Variants in SPOCK3 observed in about 807,000 individuals in gnomAD.
The protein encoded by SPOCK3 is testican-3.
A neutral mutation model predicts 56.6 loss-of-function variants in SPOCK3; 30 were observed. That is an observed-to-expected ratio of 0.53 (90% CI 0.40 to 0.72). The LOEUF (loss-of-function observed/expected upper bound fraction) is 0.72, where lower values mean the gene tolerates loss of function less well. SPOCK3 is among the 30% of genes least tolerant of loss of function. The pLI, the probability that SPOCK3 is intolerant of heterozygous loss-of-function variation, is 0.00. For missense variants in SPOCK3, 527 were observed against 530.0 expected (o/e 0.99, Z 0.06); for synonymous variants, 196 against 183.3 (o/e 1.07, Z -0.56).
intron 2 of SPOCK3, among the ~76,000 whole-genome samples, chr4:167,118,480 T>C (rs999052517): frequency 7.9e-5 from 12 of 152,174 alleles, no homozygotes; most frequent in Admixed American, 7.9e-4. Flanking sequence ...GCAGTGACGT[T>C]ATAGAGTCAG....
In SPOCK3 at chr4:166,733,982, A is replaced by G. The variant is rs1733980439; in HGVS notation, c.*939T>C. The G allele has an allele frequency of 6.6e-6, 1 of 152,222 alleles. No individual in the cohort carries two copies. The highest frequency in any genetic ancestry group is 6.6e-5 in the Admixed American group (1 of 15,200). The allele number at this position is 152,222 out of a possible 1,614,324, so 9.4% of individuals were successfully genotyped here. On this transcript the variant is annotated 3_prime_UTR_variant, in exon 11 of 11. Transcript: ENST00000357545. ...AAGTTCTCTAAGTTTCCACACTACT[A>G]ACAAAAATAACATAATTCTAAGATT...
intron 2 of SPOCK3, among the ~76,000 whole-genome samples, chr4:167,221,253 A>G (rs1257433375): frequency 6.6e-6 from 1 of 152,010 alleles, no homozygotes; most frequent in Admixed American, 6.6e-5. Flanking sequence ...CTGTAGTCCC[A>G]GCTACTTGAG....
intron 3 of SPOCK3, among the ~76,000 whole-genome samples, chr4:167,055,316 G>C (rs1006745514): frequency 5.9e-5 from 9 of 152,152 alleles, no homozygotes; most frequent in Non-Finnish European, 1.3e-4. Flanking sequence ...ATACTAGAGA[G>C]GGGAGCCAAG....
chr4:166,981,748 A>C (rs1446561638), intron 4 of SPOCK3, among the ~76,000 whole-genome samples: 1 of 152,122 alleles, frequency 6.6e-6, no homozygotes, highest in Non-Finnish European at 1.5e-5. Context: ...CCTGCCATCC[A>C]TCAATCTTGT....
At chr4:166,740,511 A>C (rs892918283) in intron 9 of SPOCK3, among the ~76,000 whole-genome samples, 1 of 73,470 alleles carries the variant, frequency 1.4e-5, no homozygotes, top group Admixed American at 1.3e-4. Flanking sequence ...TATTATTATT[A>C]TTATTATTAT....
chr4:167,129,379 C>A (rs981663416), intron 2 of SPOCK3, among the ~76,000 whole-genome samples: 1 of 152,144 alleles, frequency 6.6e-6, no homozygotes, highest in Non-Finnish European at 1.5e-5. Flanking sequence ...ATATTACTGG[C>A]AACACACTCT....
intron 4 of SPOCK3, among the ~76,000 whole-genome samples, chr4:166,919,206 C>T (rs116923403): frequency 3.3e-5 from 5 of 152,194 alleles, no homozygotes; most frequent in African/African-American, 4.8e-5. Flanking sequence ...ATGAGGCCAA[C>T]AAGTATGATG....
chr4:166,910,293 T>C (rs1319896089), intron 5 of SPOCK3, among the ~76,000 whole-genome samples: 2 of 152,138 alleles, frequency 1.3e-5, no homozygotes, highest in Non-Finnish European at 2.9e-5. Context: ...TGTAATGTCT[T>C]TCTATGTAAA....
At chr4:166,913,777 T>A (rs1289778827) in intron 4 of SPOCK3, among the ~76,000 whole-genome samples, 1 of 152,030 alleles carries the variant, frequency 6.6e-6, no homozygotes, top group Non-Finnish European at 1.5e-5. Flanking sequence ...GATTATTTTC[T>A]GTCTCTCTCT....
In SPOCK3 at chr4:166,792,206, T is replaced by A; in HGVS notation, c.673A>T (p.Lys225Ter). 1 of 1,613,992 alleles carries A rather than the reference T, an allele frequency of 6.2e-7. No homozygotes were observed. Among genetic ancestry groups the A allele is most frequent in the Middle Eastern group, 1.6e-4 (1 of 6,062 alleles). ...GGCCTCAGCAATGTTTTTGTCTTCT[T>A]GTTTTGACTTCCACTTTCATGAAGG... ...KALHESGSQNKKTKTLLRPER... is the reference protein window; with the variant it reads ...KALHESGSQN Residue 225 changes from lysine (K) to a stop codon, truncating the protein, a stop_gained, in exon 7 of 11, where the codon AAG becomes TAG. Coordinates refer to ENST00000357545, the MANE Select transcript of SPOCK3 (RefSeq NM_001040159.2). LOFTEE classifies it high-confidence loss of function.
At chr4:167,069,598 G>GA (rs71604465) in intron 2 of SPOCK3, among the ~76,000 whole-genome samples, 1 of 150,456 alleles carries the variant, frequency 6.6e-6, no homozygotes, top group Non-Finnish European at 1.5e-5. Context: ...TGGTTAAGAT[G>GA]AAATAAAATA....
intron 8 of SPOCK3, among the ~76,000 whole-genome samples, chr4:166,745,733 TC>T (rs1472876507): frequency 1.3e-5 from 2 of 152,178 alleles, no homozygotes; most frequent in Non-Finnish European, 2.9e-5. Flanking sequence ...TGTGCTGTAT[TC>T]AGGAGACCCA....
chr4:166,826,448 A>G (rs952310158), intron 6 of SPOCK3, among the ~76,000 whole-genome samples: 1 of 152,126 alleles, frequency 6.6e-6, no homozygotes, highest in Non-Finnish European at 1.5e-5. Flanking sequence ...AAATTTATTT[A>G]TTCATTCACT....
At chr4:166,934,440 G>A (rs1489846482) in intron 4 of SPOCK3, among the ~76,000 whole-genome samples, 1 of 151,978 alleles carries the variant, frequency 6.6e-6, no homozygotes, top group East Asian at 2.0e-4. Context: ...GGAGCTTGCA[G>A]TGAGCCGAGA....
intron 2 of SPOCK3, among the ~76,000 whole-genome samples, chr4:167,154,082 T>A (rs1421705365): frequency 3.3e-5 from 5 of 152,192 alleles, no homozygotes; most frequent in Non-Finnish European, 4.4e-5. Flanking sequence ...TATATTTTGA[T>A]AAATTTTAAT....
At chr4:166,822,566 G>A (rs985111522) in intron 6 of SPOCK3, among the ~76,000 whole-genome samples, 5 of 152,026 alleles carry the variant, frequency 3.3e-5, no homozygotes, top group Admixed American at 1.3e-4. Flanking sequence ...CGGAGAACTG[G>A]CAGCTAAGCT....
chr4:166,839,456 T>C (rs1233481717), intron 6 of SPOCK3, among the ~76,000 whole-genome samples: 1 of 152,098 alleles, frequency 6.6e-6, no homozygotes, highest in Admixed American at 6.6e-5. Context: ...GTTTGGTAGT[T>C]AGATAGACAT....
intron 3 of SPOCK3, among the ~76,000 whole-genome samples, chr4:167,005,273 G>A (rs1329404342): frequency 1.3e-5 from 2 of 151,486 alleles, no homozygotes; most frequent in East Asian, 1.9e-4. Context: ...GCAGTGGTGC[G>A]ATCTCAGCTC....
chr4:166,976,550 C>G (rs1230469904), intron 4 of SPOCK3, among the ~76,000 whole-genome samples: 1 of 152,152 alleles, frequency 6.6e-6, no homozygotes, highest in Non-Finnish European at 1.5e-5. Flanking sequence ...GTGACTCAAC[C>G]TACTTCCTTT....
Sources: gnomAD v4.1 joint callset for allele counts (sites outside exome capture counted in the v4.1 genomes callset) on GRCh38, gnomAD v4.1.1 for gene constraint, MANE v1.5 for transcripts, NCBI Gene and HGNC (gene_info 2026-07-23, HGNC 2026-07-21) for gene names.